BRINP1: variants seen among roughly 807,000 people sequenced by gnomAD.
BRINP1 encodes BMP/retinoic acid-inducible neural-specific protein 1.
Under a neutral mutation model 72.9 loss-of-function variants are expected in BRINP1, and 17 were observed. The ratio of observed to expected loss-of-function variants is 0.23; its 90% CI spans 0.16 to 0.35. The LOEUF (loss-of-function observed/expected upper bound fraction) is 0.35. Ranked by LOEUF, BRINP1 falls within the 10% of genes least tolerant of loss-of-function variation. The probability of loss-of-function intolerance (pLI) is 1.00; values close to 1 mark genes in which losing one functional copy is unlikely to be tolerated. For synonymous variants in BRINP1, 418 were observed against 378.5 expected (o/e 1.10, Z -1.21); for missense variants, 850 against 1,001.6 (o/e 0.85, Z 2.04).
chr9:119,298,024 A>G (rs1173828797), intron 2 of BRINP1, among the ~76,000 whole-genome samples: 1 of 152,178 alleles, frequency 6.6e-6, no homozygotes, highest in Admixed American at 6.5e-5. Context: ...TCATCAGTCA[A>G]TTTGTCTGGG....
intron 2 of BRINP1, among the ~76,000 whole-genome samples, chr9:119,304,369 G>T (rs138353313): frequency 1.3e-5 from 2 of 152,152 alleles, no homozygotes; most frequent in Non-Finnish European, 2.9e-5. Flanking sequence ...AACCTATAGC[G>T]ACCATTGTAT....
intron 5 of BRINP1, among the ~76,000 whole-genome samples, chr9:119,226,058 A>C (rs1830088867): frequency 6.6e-6 from 1 of 151,868 alleles, no homozygotes; most frequent in Non-Finnish European, 1.5e-5. Flanking sequence ...TCTCAGTTAC[A>C]ATTTAGTGGC....
At chr9:119,282,667 A>C (rs982079991) in intron 2 of BRINP1, among the ~76,000 whole-genome samples, 1 of 152,248 alleles carries the variant, frequency 6.6e-6, no homozygotes, top group Non-Finnish European at 1.5e-5. Flanking sequence ...TTCAATATGC[A>C]GGAATGCCAG....
At chr9:119,329,640 G>A (rs1831279493) in intron 1 of BRINP1, among the ~76,000 whole-genome samples, 4 of 152,102 alleles carry the variant, frequency 2.6e-5, no homozygotes, top group Admixed American at 2.6e-4. Context: ...TGATCTCTCA[G>A]CCACTTTTAA....
At chr9:119,318,849 GTGTGT>G (rs1831155705) in intron 1 of BRINP1, among the ~76,000 whole-genome samples, 1 of 74,108 alleles carries the variant, frequency 1.3e-5, no homozygotes, top group Non-Finnish European at 4.0e-5. Flanking sequence ...TGTGGGGTGT[GTGTGT>G]GTGTGTGTGT....
chr9:119,325,335 T>C (rs552394724), intron 1 of BRINP1, among the ~76,000 whole-genome samples: 172 of 152,262 alleles, frequency 1.1e-3, no homozygotes, highest in Middle Eastern at 3.4e-3. Context: ...GTATTCCCCA[T>C]CCAAGTAAAC....
intron 2 of BRINP1, among the ~76,000 whole-genome samples, chr9:119,312,291 A>G (rs778262190): frequency 6.6e-6 from 1 of 152,224 alleles, no homozygotes; most frequent in Non-Finnish European, 1.5e-5. Context: ...AGTCCACAAC[A>G]TTCACTGTGT....
chr9:119,290,633 T>C (rs1286879437), intron 2 of BRINP1, among the ~76,000 whole-genome samples: 1 of 152,110 alleles, frequency 6.6e-6, no homozygotes, highest in Non-Finnish European at 1.5e-5. Context: ...TGGGAGTTGT[T>C]GGAATGTAGG....
At chr9:119,329,443 T>C (rs905949682) in intron 1 of BRINP1, among the ~76,000 whole-genome samples, 2 of 152,300 alleles carry the variant, frequency 1.3e-5, no homozygotes, top group African/African-American at 2.4e-5. Context: ...GTGACAATCA[T>C]AGAATCCAAG....
chr9:119,178,875 C>A (rs1218158312), intron 7 of BRINP1, among the ~76,000 whole-genome samples: 1 of 152,030 alleles, frequency 6.6e-6, no homozygotes, highest in African/African-American at 2.4e-5. Context: ...GAAAGCAAGA[C>A]ACAAGAAAAG....
At chr9:119,214,482 A>G (rs1021751726) in intron 5 of BRINP1, among the ~76,000 whole-genome samples, 71 of 152,176 alleles carry the variant, frequency 4.7e-4, no homozygotes, top group Non-Finnish European at 1.5e-4. Flanking sequence ...AAAATATAAC[A>G]TTATTGTTTA....
intron 7 of BRINP1, among the ~76,000 whole-genome samples, chr9:119,190,427 T>A (rs230083): frequency 0.033 from 4,303 of 128,618 alleles, 184 homozygotes; most frequent in African/African-American, 0.11. Flanking sequence ...AAAAAAAAAA[T>A]AAGGAAACTC....
chr9:119,198,380 C>G (rs1829763232), intron 7 of BRINP1, among the ~76,000 whole-genome samples: 1 of 152,154 alleles, frequency 6.6e-6, no homozygotes, highest in African/African-American at 2.4e-5. Context: ...TACTATTTTT[C>G]TCTCCATCAC....
intron 1 of BRINP1, among the ~76,000 whole-genome samples, chr9:119,347,622 T>C (rs1831464093): frequency 6.6e-6 from 1 of 152,104 alleles, no homozygotes; most frequent in African/African-American, 2.4e-5. Flanking sequence ...CACCCTGTTA[T>C]TCCCCACATC....
intron 5 of BRINP1, among the ~76,000 whole-genome samples, chr9:119,218,800 T>C (rs1443747171): frequency 6.7e-6 from 1 of 149,642 alleles, no homozygotes; most frequent in Non-Finnish European, 1.5e-5. Flanking sequence ...CCTTGTATAC[T>C]AACAAAGAGA....
chr9:119,259,339 A>G (rs1239632572), intron 2 of BRINP1, among the ~76,000 whole-genome samples: 1 of 152,218 alleles, frequency 6.6e-6, no homozygotes, highest in East Asian at 1.9e-4. Flanking sequence ...AACATAATGA[A>G]TGCAATTAAT....
At chr9:119,261,005 TTAAA>T (rs1830489699) in intron 2 of BRINP1, among the ~76,000 whole-genome samples, 1 of 152,144 alleles carries the variant, frequency 6.6e-6, no homozygotes, top group Admixed American at 6.6e-5. Flanking sequence ...ACAGCAATTA[TTAAA>T]TAATAATTTA....
intron 1 of BRINP1, among the ~76,000 whole-genome samples, chr9:119,335,146 A>G (rs1385708220): frequency 6.6e-6 from 1 of 152,206 alleles, no homozygotes; most frequent in African/African-American, 2.4e-5. Context: ...AAAGGCTCAG[A>G]TAATTTACAG....
At chr9:119,301,988 A>G (rs1416196429) in intron 2 of BRINP1, among the ~76,000 whole-genome samples, 1 of 152,156 alleles carries the variant, frequency 6.6e-6, no homozygotes, top group Non-Finnish European at 1.5e-5. Context: ...ATCATGCTCT[A>G]CCTCTGGGCA....
Sources: gnomAD v4.1 joint callset for allele counts (sites outside exome capture counted in the v4.1 genomes callset) on GRCh38, gnomAD v4.1.1 for gene constraint, MANE v1.5 for transcripts, NCBI Gene and HGNC (gene_info 2026-07-23, HGNC 2026-07-21) for gene names.